MLLT3: variants seen among roughly 807,000 people sequenced by gnomAD.
MLLT3 encodes the protein MLLT3 super elongation complex subunit, also known as protein AF-9.
Under a neutral mutation model 53.2 loss-of-function variants are expected in MLLT3, and 4 were observed. That is an observed-to-expected ratio of 0.08 (90% CI 0.04 to 0.17). The LOEUF (loss-of-function observed/expected upper bound fraction) is 0.17. Among genes scored for constraint, MLLT3 ranks in the 10% least tolerant of loss-of-function variants. The pLI, the probability that MLLT3 is intolerant of heterozygous loss-of-function variation, is 1.00. For synonymous variants in MLLT3, 283 were observed against 230.6 expected (o/e 1.23, Z -2.06); for missense variants, 569 against 684.0 (o/e 0.83, Z 1.87).
chr9:20,610,707 A>G (rs902896081), intron 2 of MLLT3, among the ~76,000 whole-genome samples: 3 of 152,158 alleles, frequency 2.0e-5, no homozygotes, highest in African/African-American at 7.2e-5. Context: ...CACAGGAGGA[A>G]AAAGAGATAA....
chr9:20,529,393 T>C (rs904963776), intron 2 of MLLT3, among the ~76,000 whole-genome samples: 4 of 152,212 alleles, frequency 2.6e-5, no homozygotes, highest in African/African-American at 7.2e-5. Context: ...TTTGAAAATA[T>C]GTTCAGATTA....
At chr9:20,550,156 C>T (rs1020948165) in intron 2 of MLLT3, among the ~76,000 whole-genome samples, 2 of 152,202 alleles carry the variant, frequency 1.3e-5, no homozygotes, top group African/African-American at 4.8e-5. Context: ...TCCCACGTAA[C>T]AAGGTTGATA....
In MLLT3 at chr9:20,360,873, T is replaced by C. The variant is rs371787030; in HGVS notation, c.1332-32A>G. ...AGAAACAGACAAGTTATGCACATCA[T>C]TACAAACAGATGATTCTTGAAATAC... On this transcript the variant is annotated intron_variant, in intron 7 of 10. Coordinates refer to ENST00000380338, the MANE Select transcript of MLLT3 (RefSeq NM_004529.4). The C allele has an allele frequency of 1.9e-6, 3 of 1,552,436 alleles. No individual in the cohort carries two copies. The African/African-American group carries it at 4.1e-5, about 21-fold the overall frequency.
chr9:20,566,827 G>A (rs115799160), intron 2 of MLLT3, among the ~76,000 whole-genome samples: 57 of 152,196 alleles, frequency 3.7e-4, no homozygotes, highest in Middle Eastern at 3.4e-3. Flanking sequence ...CTGAACCTAG[G>A]GCTCCAGGTG....
intron 2 of MLLT3, among the ~76,000 whole-genome samples, chr9:20,587,889 T>C (rs1820017362): frequency 2.0e-5 from 3 of 152,320 alleles, no homozygotes; most frequent in East Asian, 1.9e-4. Flanking sequence ...ACATTGCTTT[T>C]GGTGTTTTAG....
Position 20,353,068 on chromosome 9 carries a change from G to A in MLLT3, c.1575+457C>T, listed in dbSNP as rs1459117953. On this transcript the variant is annotated intron_variant, in intron 10 of 10. Coordinates refer to ENST00000380338, the MANE Select transcript of MLLT3 (RefSeq NM_004529.4). ...TAGAATGTATGTCATACAAGATAAG[G>A]GAAATGAAGAAAATATTTATTTTCC... Among the ~76,000 whole-genome samples the A allele has an allele frequency of 2.6e-5, 4 of 151,994 alleles. No individual in the cohort carries two copies. The East Asian group carries it at 5.8e-4, about 22-fold the overall frequency.
chr9:20,351,004 A>G (rs1821013494), intron 10 of MLLT3, among the ~76,000 whole-genome samples: 2 of 152,134 alleles, frequency 1.3e-5, no homozygotes, highest in Admixed American at 6.6e-5. Flanking sequence ...TTCCCATAGA[A>G]TGGCCTCTAC....
At chr9:20,405,624 G>A (rs975354936) in intron 5 of MLLT3, among the ~76,000 whole-genome samples, 4 of 152,182 alleles carry the variant, frequency 2.6e-5, no homozygotes, top group African/African-American at 9.7e-5. Context: ...AAATAAAAGA[G>A]TCCCACACAG....
intron 4 of MLLT3, among the ~76,000 whole-genome samples, chr9:20,437,458 TA>T (rs1823433703): frequency 2.6e-5 from 4 of 151,950 alleles, no homozygotes; most frequent in African/African-American, 9.7e-5. Context: ...AGATTTCAGA[TA>T]AAATGATCCC....
At chr9:20,615,229 T>G (rs745600694) in intron 2 of MLLT3, among the ~76,000 whole-genome samples, 2 of 151,724 alleles carry the variant, frequency 1.3e-5, no homozygotes, top group African/African-American at 2.4e-5. Flanking sequence ...TCCACGCCTA[T>G]AGTCTGAGCT....
At chr9:20,560,378 A>G (rs1587069601) in intron 2 of MLLT3, among the ~76,000 whole-genome samples, 1 of 152,204 alleles carries the variant, frequency 6.6e-6, no homozygotes, top group East Asian at 1.9e-4. Context: ...AACATATTAT[A>G]TCTTACATAC....
At chr9:20,515,104 G>A (rs1418021947) in intron 2 of MLLT3, among the ~76,000 whole-genome samples, 1 of 151,780 alleles carries the variant, frequency 6.6e-6, no homozygotes, top group Non-Finnish European at 1.5e-5. Context: ...CCGCCACCAC[G>A]CCCGGCTAAT....
intron 2 of MLLT3, among the ~76,000 whole-genome samples, chr9:20,525,493 TAAATAAA>T (rs778594999): frequency 6.2e-4 from 94 of 152,210 alleles, no homozygotes; most frequent in Non-Finnish European, 1.0e-3. Context: ...GACTCTGACT[TAAATAAA>T]AAATAAAAAA....
At chr9:20,430,702 A>G (rs550097442) in intron 4 of MLLT3, among the ~76,000 whole-genome samples, 10 of 152,286 alleles carry the variant, frequency 6.6e-5, no homozygotes, top group African/African-American at 2.4e-4. Flanking sequence ...GGTATAGGAG[A>G]ATATACTAAA....
At chr9:20,554,296 T>TG (rs1195099341) in intron 2 of MLLT3, among the ~76,000 whole-genome samples, 4 of 152,186 alleles carry the variant, frequency 2.6e-5, no homozygotes, top group Admixed American at 2.6e-4. Flanking sequence ...TAAAGACCTC[T>TG]GTTCTCTATT....
intron 2 of MLLT3, among the ~76,000 whole-genome samples, chr9:20,536,173 A>AAAAACAAAAC (rs141799842): frequency 0.043 from 6,470 of 150,648 alleles, 196 homozygotes; most frequent in Middle Eastern, 0.066. Flanking sequence ...CAGCATCTTT[A>AAAAACAAAAC]AAAACAAAAC....
intron 5 of MLLT3, among the ~76,000 whole-genome samples, chr9:20,381,869 A>T (rs1296514133): frequency 6.6e-6 from 1 of 151,926 alleles, no homozygotes; most frequent in Non-Finnish European, 1.5e-5. Flanking sequence ...TTCTGAAAGA[A>T]GATTCATTTC....
chr9:20,599,138 T>C (rs1563837561), intron 2 of MLLT3, among the ~76,000 whole-genome samples: 1 of 151,970 alleles, frequency 6.6e-6, no homozygotes, highest in Non-Finnish European at 1.5e-5. Context: ...ACCCTGTCTC[T>C]ACTAAAAATA....
Position 20,456,711 on chromosome 9 carries a change from T to C in MLLT3, c.269A>G (p.Lys90Arg). The change falls in exon 3 of 11, where the codon AAA becomes AGA. Residue 90 changes from lysine (K) to arginine (R), a missense_variant. This residue lies in a region of MLLT3 where 35 missense variants were observed against 136.8 expected (regional missense o/e 0.26). Coordinates refer to ENST00000380338, the MANE Select transcript of MLLT3 (RefSeq NM_004529.4). The part of the protein sequence containing the change: ...GFILPIEVYF[K>R]NKEEPRKVRF... ...TGGGTAAAGATTACATACCTTGTTTTTAAAATAAACTTCAATTGGCAAAAT... is the reference window on the plus strand; with the variant it reads ...TGGGTAAAGATTACATACCTTGTTTCTAAAATAAACTTCAATTGGCAAAAT... The C allele has an allele frequency of 6.2e-7, 1 of 1,604,682 alleles. No individual in the cohort carries two copies. Among genetic ancestry groups the C allele is most frequent in the East Asian group, 2.2e-5 (1 of 44,594 alleles).
Sources: allele counts gnomAD v4.1 joint callset (sites outside exome capture counted in the v4.1 genomes callset), GRCh38; gene constraint gnomAD v4.1.1; regional missense constraint gnomAD v4.1.1; transcripts MANE v1.5; gene names NCBI Gene and HGNC (gene_info 2026-07-23, HGNC 2026-07-21).